The following MED28 variants were observed in gnomAD, a reference collection of about 807,000 sequenced individuals.
The protein encoded by MED28 is mediator complex subunit 28, also known as mediator of RNA polymerase II transcription subunit 28.
In MED28, 26 loss-of-function variants were observed where a neutral mutation model predicts 21.3. The observed-to-expected ratio is 1.22, with a 90% CI of 0.89 to 1.69. The LOEUF (loss-of-function observed/expected upper bound fraction) is 1.69, where lower values mean the gene tolerates loss of function less well. MED28 is among the 40% of genes most tolerant of loss of function. The probability of loss-of-function intolerance (pLI) is 0.00; values close to 1 mark genes in which losing one functional copy is unlikely to be tolerated. For synonymous variants in MED28, 110 were observed against 87.6 expected (o/e 1.26, Z -1.43); for missense variants, 257 against 215.4 (o/e 1.19, Z -1.21).
At position 17,623,843 on chromosome 4, in the gene MED28, G is replaced by A. The variant is rs766623899; in HGVS notation, c.*45G>A. ...GGCCTATGAGTGGGCTGATGCGTGA[G>A]GTTGGCCACACATTCCTTCCTGTGG... On this transcript the variant is annotated 3_prime_UTR_variant, in exon 4 of 4. Transcript: ENST00000237380. 16 of 1,565,480 alleles carry A rather than the reference G, an allele frequency of 1.0e-5. No individual in the cohort carries two copies. Among genetic ancestry groups the A allele is most frequent in the Non-Finnish European group, 1.3e-5 (15 of 1,147,634 alleles).
rs1248027946 is a variant in MED28, at chr4:17,633,572, A to G, written c.*9774A>G. 1 of 930,420 alleles carries G rather than the reference A, an allele frequency of 1.1e-6. No homozygotes were observed. Among genetic ancestry groups the G allele is most frequent in the Non-Finnish European group, 1.5e-6 (1 of 650,362 alleles). 57.6% of individuals were successfully genotyped at this position (930,420 alleles called of 1,614,324 possible). On this transcript the variant is annotated 3_prime_UTR_variant, in exon 4 of 4. Coordinates refer to ENST00000237380, the MANE Select transcript of MED28 (RefSeq NM_025205.5). ...TAAGTGATTCAGTGTCCCTTGTCTA[A>G]TCATCCATGAAAAAAGGCCTTCTGG...
chr4:17,624,823 G>A lies in MED28; in HGVS notation c.*1025G>A, dbSNP rs1307414104. The A allele has an allele frequency of 6.6e-6, 1 of 152,080 alleles. No homozygotes were observed. Among genetic ancestry groups the A allele is most frequent in the African/African-American group, 2.4e-5 (1 of 41,386 alleles). 9.4% of individuals were successfully genotyped at this position (152,080 alleles called of 1,614,324 possible). ...AGCATGTGGTGCCCTGCCTTTGGGAGGGTATTTTGCTCTCGTTAGTTTTGT... is the reference window on the plus strand; with the variant it reads ...AGCATGTGGTGCCCTGCCTTTGGGAAGGTATTTTGCTCTCGTTAGTTTTGT... On this transcript the variant is annotated 3_prime_UTR_variant, in exon 4 of 4. Transcript: ENST00000237380.
At position 17,625,776 on chromosome 4, in the gene MED28, A is replaced by C. The variant is rs1714759534; in HGVS notation, c.*1978A>C. ...AGAAACCTGTGGAATGCCCTCTGCC[A>C]AGCACTGCTCTGGTACTGGGGAGTG... On this transcript the variant is annotated 3_prime_UTR_variant, in exon 4 of 4. Coordinates refer to ENST00000237380, the MANE Select transcript of MED28 (RefSeq NM_025205.5). The C allele has an allele frequency of 4.9e-6, 2 of 409,500 alleles. No individual in the cohort carries two copies. The highest frequency in any genetic ancestry group is 6.4e-5 in the Admixed American group (2 of 31,440). 25.4% of individuals were successfully genotyped at this position (409,500 alleles called of 1,614,324 possible). A position where few individuals can be genotyped will look rare whatever the true frequency, so the allele number is the denominator to read the frequency against.
rs192442993 is a variant in MED28 at position 17,620,306 on chromosome 4, C to G, written c.226+339C>G. On this transcript the variant is annotated intron_variant, in intron 2 of 3. Coordinates refer to ENST00000237380, the MANE Select transcript of MED28 (RefSeq NM_025205.5). ...CTTCTTTTTATTCCCCAAGTTCTGT[C>G]CCTAAAGGTAACCAGAGCTTCTGAT... is the stretch of plus-strand genomic sequence containing the variant. 1.1e-4 allele frequency among the ~76,000 whole-genome samples: 16 copies of G among 151,570 alleles called. No homozygotes were observed. The East Asian group carries it at 2.5e-3, about 24-fold the overall frequency.
At position 17,633,560 on chromosome 4, in the gene MED28, G is replaced by A. The variant is rs551247386; in HGVS notation, c.*9762G>A. The A allele has an allele frequency of 1.2e-4, 103 of 828,690 alleles. No homozygotes were observed. The highest frequency in any genetic ancestry group is 1.2e-3 in the Middle Eastern group (3 of 2,554). 51.3% of individuals were successfully genotyped at this position (828,690 alleles called of 1,614,324 possible). A position where few individuals can be genotyped will look rare whatever the true frequency, so the allele number is the denominator to read the frequency against. ...GAAGTTTTCAGGTAAGTGATTCAGT[G>A]TCCCTTGTCTAATCATCCATGAAAA... On this transcript the variant is annotated 3_prime_UTR_variant, in exon 4 of 4. Transcript: ENST00000237380.
chr4:17,616,732 G>GT (rs778421303), intron 1 of MED28, among the ~76,000 whole-genome samples: 21 of 152,146 alleles, frequency 1.4e-4, no homozygotes, highest in Non-Finnish European at 2.4e-4. Context: ...GAGACTACCT[G>GT]TTTTGTACCC....
chr4:17,625,205 C>T lies in MED28; in HGVS notation c.*1407C>T, dbSNP rs1714743740. 6.5e-6 allele frequency: 1 copy of T among 153,298 alleles called. No individual in the cohort carries two copies. Among genetic ancestry groups the T allele is most frequent in the African/African-American group, 2.4e-5 (1 of 41,428 alleles). 9.5% of individuals were successfully genotyped at this position (153,298 alleles called of 1,614,324 possible). A position where few individuals can be genotyped will look rare whatever the true frequency, so the allele number is the denominator to read the frequency against. On this transcript the variant is annotated 3_prime_UTR_variant, in exon 4 of 4. Coordinates refer to ENST00000237380, the MANE Select transcript of MED28 (RefSeq NM_025205.5). ...GCTTTGTATCTGTCTCTCTGCCCCT[C>T]ACTAATTCTACACCCATGAGAATTA...
At position 17,629,644 on chromosome 4, in the gene MED28, T is replaced by TTCCCTC. The variant is rs1358080804; in HGVS notation, c.*5848_*5849insCCTCTC. ...AGATTTACCATTAAATACTGTTTTT[T>TTCCCTC]TCTCTCTCTTAACTTAATCCCGAAT... On this transcript the variant is annotated 3_prime_UTR_variant, in exon 4 of 4. Coordinates refer to ENST00000237380, the MANE Select transcript of MED28 (RefSeq NM_025205.5). 6.6e-6 allele frequency: 1 copy of TTCCCTC among 152,216 alleles called. No individual in the cohort carries two copies. Among genetic ancestry groups the TTCCCTC allele is most frequent in the Non-Finnish European group, 1.5e-5 (1 of 68,038 alleles). 9.4% of individuals were successfully genotyped at this position (152,216 alleles called of 1,614,324 possible).
In MED28 at chr4:17,633,606, A is replaced by G; in HGVS notation, c.*9808A>G. On this transcript the variant is annotated 3_prime_UTR_variant, in exon 4 of 4. Coordinates refer to ENST00000237380, the MANE Select transcript of MED28 (RefSeq NM_025205.5). Reference sequence around the variant, plus strand: ...GAAAAAAGGCCTTCTGGAATTTGGTACCAGGTGCTAGAAAGAATCCTACTT... The same window carrying G: ...GAAAAAAGGCCTTCTGGAATTTGGTGCCAGGTGCTAGAAAGAATCCTACTT... 2 of 1,252,094 alleles carry G rather than the reference A, an allele frequency of 1.6e-6. No individual in the cohort carries two copies. The highest frequency in any genetic ancestry group is 2.1e-6 in the Non-Finnish European group (2 of 955,408). 77.6% of individuals were successfully genotyped at this position (1,252,094 alleles called of 1,614,324 possible). A position where few individuals can be genotyped will look rare whatever the true frequency, so the allele number is the denominator to read the frequency against.
In MED28 at chr4:17,628,679, T is replaced by C. The variant is rs192546202; in HGVS notation, c.*4881T>C. Reference sequence around the variant, plus strand: ...GGGCATGCCTGGTGGAGGACCTGACTGAGACAATTGTGACTGGATGTGGTC... The same window carrying C: ...GGGCATGCCTGGTGGAGGACCTGACCGAGACAATTGTGACTGGATGTGGTC... On this transcript the variant is annotated 3_prime_UTR_variant, in exon 4 of 4. Coordinates refer to ENST00000237380, the MANE Select transcript of MED28 (RefSeq NM_025205.5). The C allele has an allele frequency of 6.6e-6, 1 of 152,278 alleles. No individual in the cohort carries two copies. Among genetic ancestry groups the C allele is most frequent in the East Asian group, 1.9e-4 (1 of 5,172 alleles). The allele number at this position is 152,278 out of a possible 1,614,324, so 9.4% of individuals were successfully genotyped here.
At position 17,632,594 on chromosome 4, in the gene MED28, C is replaced by G. The variant is rs1242223759; in HGVS notation, c.*8796C>G. On this transcript the variant is annotated 3_prime_UTR_variant, in exon 4 of 4. Coordinates refer to ENST00000237380, the MANE Select transcript of MED28 (RefSeq NM_025205.5). ...GGAGAGCCCTGTTTCTGCTGGACTTCTTTGGCTTGGGCCGTTTCACCATCT... is the reference window on the plus strand; with the variant it reads ...GGAGAGCCCTGTTTCTGCTGGACTTGTTTGGCTTGGGCCGTTTCACCATCT... 2 of 1,551,138 alleles carry G rather than the reference C, an allele frequency of 1.3e-6. No homozygotes were observed. Among genetic ancestry groups the G allele is most frequent in the South Asian group, 2.4e-5 (2 of 84,040 alleles).
rs1454468283 is a variant in MED28 at position 17,624,693 on chromosome 4, TAAGG to T, written c.*900_*903del. 5 of 151,908 alleles carry T rather than the reference TAAGG, an allele frequency of 3.3e-5. No individual in the cohort carries two copies. The East Asian group carries it at 5.8e-4, about 18-fold the overall frequency. 9.4% of individuals were successfully genotyped at this position (151,908 alleles called of 1,614,324 possible). A position where few individuals can be genotyped will look rare whatever the true frequency, so the allele number is the denominator to read the frequency against. On this transcript the variant is annotated 3_prime_UTR_variant, in exon 4 of 4. Transcript: ENST00000237380. ...TTTTGGGAGGGGAAACATTTTCCGT[TAAGG>T]AAGGTTGTTGCCAGTGGATTTGACT...
rs1163353670 is a variant in MED28, at chr4:17,630,037, C to T, written c.*6239C>T. ...CAGGGTAGAATTTAGAAATTTAAGA[C>T]TGAAAGATCTTTTCAGTCACCTGCA... is the stretch of plus-strand genomic sequence containing the variant. On this transcript the variant is annotated 3_prime_UTR_variant, in exon 4 of 4. Coordinates refer to ENST00000237380, the MANE Select transcript of MED28 (RefSeq NM_025205.5). The T allele has an allele frequency of 2.6e-5, 4 of 152,122 alleles. No homozygotes were observed. Among genetic ancestry groups the T allele is most frequent in the Non-Finnish European group, 5.9e-5 (4 of 68,024 alleles). 9.4% of individuals were successfully genotyped at this position (152,122 alleles called of 1,614,324 possible). A position where few individuals can be genotyped will look rare whatever the true frequency, so the allele number is the denominator to read the frequency against.
rs776806687 is a variant in MED28 at position 17,625,622 on chromosome 4, C to G, written c.*1824C>G. 12 of 436,386 alleles carry G rather than the reference C, an allele frequency of 2.7e-5. No homozygotes were observed. Among genetic ancestry groups the G allele is most frequent in the Non-Finnish European group, 5.4e-5 (12 of 220,574 alleles). 27.0% of individuals were successfully genotyped at this position (436,386 alleles called of 1,614,324 possible). ...TTATTAAATTCAGAAGTTTTTTTGC[C>G]AAATAACAATTTTTCAATCTTCTCT... On this transcript the variant is annotated 3_prime_UTR_variant, in exon 4 of 4. Coordinates refer to ENST00000237380, the MANE Select transcript of MED28 (RefSeq NM_025205.5).
chr4:17,632,401 A>G lies in MED28; in HGVS notation c.*8603A>G. 2 of 723,944 alleles carry G rather than the reference A, an allele frequency of 2.8e-6. No individual in the cohort carries two copies. The highest frequency in any genetic ancestry group is 4.4e-6 in the Non-Finnish European group (2 of 451,664). 44.8% of individuals were successfully genotyped at this position (723,944 alleles called of 1,614,324 possible). A position where few individuals can be genotyped will look rare whatever the true frequency, so the allele number is the denominator to read the frequency against. On this transcript the variant is annotated 3_prime_UTR_variant, in exon 4 of 4. Transcript: ENST00000237380. ...AACAGTATGAAGTGTTAACGCCAAA[A>G]TTTGTTTTAGCTATCATATATAAAT...
Position 17,623,857 on chromosome 4 carries a change from T to G in MED28, c.*59T>G. The G allele has an allele frequency of 2.6e-6, 4 of 1,531,140 alleles. No homozygotes were observed. In the South Asian group the frequency reaches 4.7e-5, roughly 18 times the overall value. The allele number at this position is 1,531,140 out of a possible 1,614,324, so 94.8% of individuals were successfully genotyped here. A position where few individuals can be genotyped will look rare whatever the true frequency, so the allele number is the denominator to read the frequency against. ...CTGATGCGTGAGGTTGGCCACACAT[T>G]CCTTCCTGTGGACTTGACATTTTGG... On this transcript the variant is annotated 3_prime_UTR_variant, in exon 4 of 4. Transcript: ENST00000237380.
rs190331299 is a variant in MED28 at position 17,629,157 on chromosome 4, C to T, written c.*5359C>T. ...CTGAGGCAGGAGAATCGCTTGAACC[C>T]GGGAGGCCGAGGTTGCAGTGAGCTG... On this transcript the variant is annotated 3_prime_UTR_variant, in exon 4 of 4. Transcript: ENST00000237380. The T allele has an allele frequency of 1.3e-3, 191 of 152,580 alleles. 1 individual carries two copies. Among genetic ancestry groups the T allele is most frequent in the Non-Finnish European group, 2.2e-3 (149 of 68,290 alleles). 9.5% of individuals were successfully genotyped at this position (152,580 alleles called of 1,614,324 possible).
intron 2 of MED28, among the ~76,000 whole-genome samples, chr4:17,620,545 C>G (rs1337290027): frequency 6.6e-6 from 1 of 152,122 alleles, no homozygotes; most frequent in Non-Finnish European, 1.5e-5. Flanking sequence ...GTTGGCCAGG[C>G]TGGTGTCGAA....
rs188953011 is a variant in MED28, at chr4:17,619,248, G to T, written c.160-653G>T. On this transcript the variant is annotated intron_variant, in intron 1 of 3. Transcript: ENST00000237380. Reference sequence around the variant, plus strand: ...TTAGAGATAACTCTCTCTGGGACTTGATTATCCATGTGATACCAACCTTGT... The same window carrying T: ...TTAGAGATAACTCTCTCTGGGACTTTATTATCCATGTGATACCAACCTTGT... Among the ~76,000 whole-genome samples the T allele has an allele frequency of 2.0e-5, 3 of 152,254 alleles. 1 individual carries two copies. The highest frequency in any genetic ancestry group is 2.0e-4 in the Admixed American group (3 of 15,288).
Sources: gnomAD v4.1 joint callset for allele counts (sites outside exome capture counted in the v4.1 genomes callset) on GRCh38, gnomAD v4.1.1 for gene constraint, MANE v1.5 for transcripts, NCBI Gene and HGNC (gene_info 2026-07-23, HGNC 2026-07-21) for gene names.